The following CFAP46 variants were observed in gnomAD, a reference collection of about 807,000 sequenced individuals.
The protein encoded by CFAP46 is cilia- and flagella-associated protein 46.
In CFAP46, 245 loss-of-function variants were observed where a neutral mutation model predicts 325.7. The ratio of observed to expected loss-of-function variants is 0.75; its 90% CI spans 0.68 to 0.84. The LOEUF is 0.84. Ranked by LOEUF, CFAP46 falls within the 40% of genes least tolerant of loss-of-function variation. The probability of loss-of-function intolerance (pLI) is 0.00; values close to 1 mark genes in which losing one functional copy is unlikely to be tolerated. For missense variants in CFAP46, 3,346 were observed against 3,543.0 expected (o/e 0.94, Z 1.41); for synonymous variants, 1,523 against 1,495.9 (o/e 1.02, Z -0.42).
chr10:132,823,993 T>TGA (rs1317839300), intron 50 of CFAP46, among the ~76,000 whole-genome samples: 53 of 87,424 alleles, frequency 6.1e-4, no homozygotes, highest in East Asian at 1.2e-3. Context: ...TGTGTGCTGC[T>TGA]TGTTTGTGCT....
rs185891745 is a variant in CFAP46, at chr10:132,861,723, C to T, written c.4891-741G>A. Among the ~76,000 whole-genome samples the T allele has an allele frequency of 3.1e-3, 478 of 152,320 alleles. 3 individuals are homozygous for T. Among genetic ancestry groups the T allele is most frequent in the Non-Finnish European group, 5.9e-3 (404 of 68,022 alleles). Reference sequence around the variant, plus strand: ...AAGCCGGTCCCAGCTGCAGGGCTGCCCAGGTGTCTTCTGCAGTGGAAAGGC... The same window carrying T: ...AAGCCGGTCCCAGCTGCAGGGCTGCTCAGGTGTCTTCTGCAGTGGAAAGGC... On this transcript the variant is annotated intron_variant, in intron 35 of 57. Coordinates refer to ENST00000368586, the MANE Select transcript of CFAP46 (RefSeq NM_001200049.3).
At chr10:132,861,498 C>A (rs1848720765) in intron 35 of CFAP46, among the ~76,000 whole-genome samples, 1 of 152,190 alleles carries the variant, frequency 6.6e-6, no homozygotes, top group Non-Finnish European at 1.5e-5. Context: ...CCGCTTGGGG[C>A]GAAAGGCTTC....
intron 50 of CFAP46, among the ~76,000 whole-genome samples, chr10:132,825,666 C>T (rs1430591046): frequency 6.6e-6 from 1 of 152,082 alleles, no homozygotes; most frequent in Non-Finnish European, 1.5e-5. Context: ...ATCAAAAGAC[C>T]CATTTAAGAG....
Position 132,940,281 on chromosome 10 carries a change from T to C in CFAP46, c.371+715A>G, listed in dbSNP as rs148744428. On this transcript the variant is annotated intron_variant, in intron 4 of 57. Transcript: ENST00000368586. Reference sequence around the variant, plus strand: ...AATATCCTCCAAACATTGTATCCTATTTGAATATGTGATATATGTTCAAGC... The same window carrying C: ...AATATCCTCCAAACATTGTATCCTACTTGAATATGTGATATATGTTCAAGC... Among the ~76,000 whole-genome samples, 46 of 152,234 alleles carry C rather than the reference T, an allele frequency of 3.0e-4. No homozygotes were observed. The East Asian group carries it at 8.8e-3, about 29-fold the overall frequency.
intron 29 of CFAP46, 30 bp from the exon 30 acceptor site, chr10:132,878,117 A>T (rs1286726899): frequency 3.9e-6 from 6 of 1,546,982 alleles, no homozygotes; most frequent in Non-Finnish European, 5.2e-6. Flanking sequence ...CATTTGCAGC[A>T]CTGAAAACCC....
At chr10:132,866,242 C>G in intron 34 of CFAP46, 71 bp from the exon 35 acceptor site, 1 of 1,408,598 alleles carries the variant, frequency 7.1e-7, no homozygotes, top group Non-Finnish European at 9.3e-7. Flanking sequence ...GGGACAGGCT[C>G]TGGCTCAGGA....
chr10:132,816,966 T>C (rs1200848746), intron 50 of CFAP46, among the ~76,000 whole-genome samples: 1 of 152,214 alleles, frequency 6.6e-6, no homozygotes, highest in African/African-American at 2.4e-5. Context: ...CCCAGGATAC[T>C]TGAAAAGATT....
At chr10:132,813,718 C>T (rs1017834382) in intron 54 of CFAP46, among the ~76,000 whole-genome samples, 2 of 151,950 alleles carry the variant, frequency 1.3e-5, no homozygotes, top group South Asian at 4.2e-4. Flanking sequence ...TGCAGCCCCG[C>T]CCCTGGCGTG....
At chr10:132,924,504 C>T (rs929784309) in intron 11 of CFAP46, among the ~76,000 whole-genome samples, 192 bp downstream of exon 11, 7 of 152,230 alleles carry the variant, frequency 4.6e-5, no homozygotes, top group East Asian at 1.9e-4. Flanking sequence ...CCTCTGGCGC[C>T]GCCAATGCAC....
In CFAP46 at chr10:132,862,341, G is replaced by A. The variant is rs376226138; in HGVS notation, c.4891-1359C>T. Among the ~76,000 whole-genome samples, 383 of 152,106 alleles carry A rather than the reference G, an allele frequency of 2.5e-3. 7 individuals carry two copies. The South Asian group carries it at 0.061, about 24-fold the overall frequency. ...GTGGGCCGGAGGCCGGCGACAGGGC[G>A]GGCAGGGGCTTCCACATGGAGAGGA... On this transcript the variant is annotated intron_variant, in intron 35 of 57. Transcript: ENST00000368586.
intron 54 of CFAP46, 57 bp downstream of exon 54, chr10:132,814,095 C>A: frequency 2.8e-6 from 4 of 1,444,464 alleles, no homozygotes; most frequent in South Asian, 1.2e-5. Context: ...AGTGGCTCCC[C>A]GCTGGACCCC....
intron 43 of CFAP46, among the ~76,000 whole-genome samples, chr10:132,846,635 G>A (rs1355912050): frequency 6.6e-6 from 1 of 152,088 alleles, no homozygotes; most frequent in Non-Finnish European, 1.5e-5. Context: ...CCGGGTCTCT[G>A]TGTCTGCCCG....
Position 132,880,880 on chromosome 10 carries a change from C to A in CFAP46, c.3780G>T (p.Glu1260Asp). 1.9e-6 allele frequency: 3 copies of A among 1,549,034 alleles called. No individual in the cohort carries two copies. Among genetic ancestry groups the A allele is most frequent in the Non-Finnish European group, 2.6e-6 (3 of 1,146,952 alleles). Residue 1260 changes from glutamate (E) to aspartate (D), a missense_variant, in exon 28 of 58, where the codon GAG becomes GAT. Physicochemically the swap from Glu to Asp is conservative, Grantham distance 45 (BLOSUM62 2). Transcript: ENST00000368586. ...GCTCACCATCCGGCGTGGGCTGTGG[C>A]TCAGGGACATCGCCGGGCGGCTTCA... is the stretch of plus-strand genomic sequence containing the variant. Reference protein sequence around the residue: ...LAMKPPGDVPEPQPTPDGEYV... With the variant: ...LAMKPPGDVPDPQPTPDGEYV...
rs1849220405 is a variant in CFAP46 at position 132,889,050 on chromosome 10, C to T, written c.3305-3091G>A. ...CCTTTCTCTTTTCAGAAGTCTGGTG[C>T]TTTTCTGTAATTTTAAAGATAAACA... On this transcript the variant is annotated intron_variant, in intron 25 of 57. Coordinates refer to ENST00000368586, the MANE Select transcript of CFAP46 (RefSeq NM_001200049.3). The surrounding 1 kb of genome is among the most constrained non-coding windows in gnomAD (Gnocchi z 6.0). 6.6e-6 allele frequency among the ~76,000 whole-genome samples: 1 copy of T among 152,168 alleles called. No homozygotes were observed. The highest frequency in any genetic ancestry group is 2.1e-4 in the South Asian group (1 of 4,826).
intron 19 of CFAP46, among the ~76,000 whole-genome samples, chr10:132,912,222 T>TTCTCCCCTCTC (rs1849551673): frequency 9.7e-6 from 1 of 103,486 alleles, no homozygotes. Context: ...CTCCTCTCTC[T>TTCTCCCCTCTC]TCTCCTCTCT....
intron 8 of CFAP46, 27 bp from the exon 9 acceptor site, chr10:132,929,831 C>T (rs1480283472): frequency 7.6e-6 from 12 of 1,569,998 alleles, no homozygotes; most frequent in Non-Finnish European, 9.6e-6. Flanking sequence ...CAGCCAGCAC[C>T]GGCTCAATAG....
intron 56 of CFAP46, 102 bp from the exon 57 acceptor site, chr10:132,810,591 A>G: frequency 9.7e-7 from 1 of 1,032,708 alleles, no homozygotes. Flanking sequence ...GCACTTTCCC[A>G]TAAGACGCTG....
intron 9 of CFAP46, 73 bp downstream of exon 9, chr10:132,929,632 T>G (rs146351836): frequency 1.4e-6 from 2 of 1,422,958 alleles, no homozygotes; most frequent in South Asian, 2.3e-5. Flanking sequence ...TGCTCTTCCT[T>G]TCTTTGCCTT....
chr10:132,820,852 CGCTGATGTGTGCTGTGTGTGCTGA>C (rs1847789866), intron 50 of CFAP46, among the ~76,000 whole-genome samples: 1 of 88,958 alleles, frequency 1.1e-5, no homozygotes. Context: ...GCTGTGTGTG[CGCTGATGTGTGCTGTGTGTGCTGA>C]TGTGTGCTGT....
Sources: gnomAD v4.1 joint callset for allele counts (sites outside exome capture counted in the v4.1 genomes callset) on GRCh38, gnomAD v4.1.1 for gene constraint, Gnocchi (gnomAD v3.1) non-coding constraint, MANE v1.5 for transcripts, NCBI Gene and HGNC (gene_info 2026-07-23, HGNC 2026-07-21) for gene names.